The following RHBDL2 variants were observed in gnomAD, a reference collection of about 807,000 sequenced individuals.
RHBDL2 encodes rhomboid-related protein 2.
RHBDL2 carries 26 observed loss-of-function variants against 31.7 expected under a neutral mutation model. The ratio of observed to expected loss-of-function variants is 0.82; its 90% CI spans 0.60 to 1.14. The LOEUF (loss-of-function observed/expected upper bound fraction) is 1.14, where lower values mean the gene tolerates loss of function less well. Ranked by LOEUF, RHBDL2 falls within the 50% of genes most tolerant of loss-of-function variation. The pLI, the probability that RHBDL2 is intolerant of heterozygous loss-of-function variation, is 0.00. For synonymous variants in RHBDL2, 123 were observed against 127.2 expected (o/e 0.97, Z 0.22); for missense variants, 336 against 364.4 (o/e 0.92, Z 0.63).
intron 4 of RHBDL2, among the ~76,000 whole-genome samples, chr1:38,907,160 T>A (rs1174994250): frequency 6.6e-6 from 1 of 152,110 alleles, no homozygotes; most frequent in Non-Finnish European, 1.5e-5. Flanking sequence ...GGAGGAAAAA[T>A]TCCTTTCAAC....
rs532705295 is a variant in RHBDL2, at chr1:38,933,138, A to G, written c.-126+8544T>C. The stretch of plus-strand genomic sequence containing the variant: ...AGCTCCTACCTTCTTTGTGGAATTC[A>G]CTTTCTACTACTTTCTCCCAACGAC... On this transcript the variant is annotated intron_variant, in intron 1 of 7. Transcript: ENST00000372990. Among the ~76,000 whole-genome samples, 86 of 152,186 alleles carry G rather than the reference A, an allele frequency of 5.7e-4. No homozygotes were observed. The Middle Eastern group carries it at 0.01, about 18-fold the overall frequency.
chr1:38,930,578 A>G (rs894320910), intron 1 of RHBDL2, among the ~76,000 whole-genome samples: 1 of 152,190 alleles, frequency 6.6e-6, no homozygotes, highest in Non-Finnish European at 1.5e-5. Context: ...ATCTTTGTTG[A>G]TGGTGATTGG....
At chr1:38,934,711 A>G (rs1643474305) in intron 1 of RHBDL2, among the ~76,000 whole-genome samples, 1 of 150,118 alleles carries the variant, frequency 6.7e-6, no homozygotes, top group South Asian at 2.1e-4. Flanking sequence ...TAATCCCAGC[A>G]TTTTGGGGGG....
chr1:38,928,888 C>T (rs1643409468), intron 1 of RHBDL2, among the ~76,000 whole-genome samples: 1 of 152,048 alleles, frequency 6.6e-6, no homozygotes, highest in Admixed American at 6.6e-5. Context: ...CAGCGAAAGC[C>T]TTTCTCTACA....
intron 1 of RHBDL2, among the ~76,000 whole-genome samples, chr1:38,919,712 A>C (rs984484219): frequency 1.3e-5 from 2 of 151,504 alleles, no homozygotes; most frequent in African/African-American, 2.4e-5. Flanking sequence ...GGGTTCAAGC[A>C]ATTCTTCTGC....
In RHBDL2 at chr1:38,886,270, T is replaced by C. The variant is rs186154456; in HGVS notation, c.*234A>G. On this transcript the variant is annotated 3_prime_UTR_variant, in exon 8 of 8. Coordinates refer to ENST00000372990, the MANE Select transcript of RHBDL2 (RefSeq NM_017821.5). ...GCGCCTGGCCCCAATCTCTAGTTTT[T>C]ACTACCCTTCTTTTCTCTCTTCTTC... 297 of 290,234 alleles carry C rather than the reference T, an allele frequency of 1.0e-3. No individual in the cohort carries two copies. The highest frequency in any genetic ancestry group is 1.4e-3 in the Non-Finnish European group (223 of 157,618). The allele number at this position is 290,234 out of a possible 1,614,324, so 18.0% of individuals were successfully genotyped here.
intron 4 of RHBDL2, among the ~76,000 whole-genome samples, chr1:38,902,201 C>CTTTTTTTTTTTTTTTTTTTT (rs770169792): frequency 4.5e-4 from 42 of 92,822 alleles, no homozygotes; most frequent in Non-Finnish European, 6.5e-4. Flanking sequence ...TTTTCTTTTT[C>CTTTTTTTTTTTTTTTTTTTT]TTTTTTTTTT....
chr1:38,904,008 C>A (rs1302033944), intron 4 of RHBDL2, among the ~76,000 whole-genome samples: 1 of 152,148 alleles, frequency 6.6e-6, no homozygotes, highest in Non-Finnish European at 1.5e-5. Flanking sequence ...GTCTTTTCAA[C>A]AAATGATGTT....
At chr1:38,895,677 A>G (rs1403887428) in intron 5 of RHBDL2, among the ~76,000 whole-genome samples, 1 of 152,002 alleles carries the variant, frequency 6.6e-6, no homozygotes, top group Non-Finnish European at 1.5e-5. Flanking sequence ...GGTGGCCCAC[A>G]CCTGTAGTCC....
chr1:38,911,394 A>G lies in RHBDL2; in HGVS notation c.436T>C (p.Leu146=). The change falls in exon 4 of 8, where the codon TTG becomes CTG. Residue 146 remains leucine (L), a synonymous_variant. Coordinates refer to ENST00000372990, the MANE Select transcript of RHBDL2 (RefSeq NM_017821.5). ...ILGNLCMQLV[L]GIPLEMVHKG... is the part of the protein sequence containing the mutation. ...TGGACCATTTCCAAGGGAATACCCA[A>G]AACAAGCTGCATACAAAGATTCCCC... The G allele has an allele frequency of 6.2e-7, 1 of 1,614,100 alleles. No individual in the cohort carries two copies. The highest frequency in any genetic ancestry group is 8.5e-7 in the Non-Finnish European group (1 of 1,180,016).
In RHBDL2 at chr1:38,886,353, T is replaced by C. The variant is rs1177835802; in HGVS notation, c.*151A>G. The C allele has an allele frequency of 4.4e-6, 2 of 454,082 alleles. No homozygotes were observed. The highest frequency in any genetic ancestry group is 7.4e-6 in the Non-Finnish European group (2 of 270,032). 28.1% of individuals were successfully genotyped at this position (454,082 alleles called of 1,614,324 possible). A position where few individuals can be genotyped will look rare whatever the true frequency, so the allele number is the denominator to read the frequency against. On this transcript the variant is annotated 3_prime_UTR_variant, in exon 8 of 8. Transcript: ENST00000372990. ...AATCCTAAGGTCCTTTTATAGGCAA[T>C]CTTTGCAACTGATGAGTTTAATGCT...
chr1:38,937,953 A>C (rs551988010), intron 1 of RHBDL2, among the ~76,000 whole-genome samples: 1 of 152,096 alleles, frequency 6.6e-6, no homozygotes, highest in East Asian at 1.9e-4. Flanking sequence ...TGGCGTCTTC[A>C]TATCCTAGGC....
chr1:38,930,001 C>T (rs1643423459), intron 1 of RHBDL2, among the ~76,000 whole-genome samples: 1 of 152,182 alleles, frequency 6.6e-6, no homozygotes, highest in South Asian at 2.1e-4. Context: ...CCCCCGTTTC[C>T]AAAAGCTTTG....
intron 4 of RHBDL2, among the ~76,000 whole-genome samples, chr1:38,906,660 C>A: frequency 6.8e-6 from 1 of 148,140 alleles, no homozygotes; most frequent in Non-Finnish European, 1.5e-5. Context: ...GGCGACAGAG[C>A]GACACTCCAT....
intron 1 of RHBDL2, 117 bp from the exon 2 acceptor site, chr1:38,919,454 A>G: frequency 1.1e-6 from 1 of 940,950 alleles, no homozygotes; most frequent in Non-Finnish European, 1.5e-6. Context: ...TGAGATTAAA[A>G]TGCAGCTCTA....
chr1:38,929,415 C>G (rs775457851), intron 1 of RHBDL2: 3 of 1,289,326 alleles, frequency 2.3e-6, no homozygotes, highest in Middle Eastern at 4.2e-4. Flanking sequence ...TCGCCTCACC[C>G]AGGAAGGCCC....
At chr1:38,904,198 C>G (rs1643030919) in intron 4 of RHBDL2, among the ~76,000 whole-genome samples, 1 of 152,268 alleles carries the variant, frequency 6.6e-6, no homozygotes, top group African/African-American at 2.4e-5. Context: ...AGGCTGGGCG[C>G]AGTGGCTCAC....
chr1:38,898,087 C>T (rs1227893136), intron 4 of RHBDL2, among the ~76,000 whole-genome samples: 16 of 151,942 alleles, frequency 1.1e-4, no homozygotes, highest in African/African-American at 2.9e-4. Context: ...GCTGAGATGG[C>T]GCCACTGCAC....
chr1:38,887,527 C>T (rs549637012), intron 7 of RHBDL2, among the ~76,000 whole-genome samples: 8 of 152,266 alleles, frequency 5.3e-5, no homozygotes, highest in South Asian at 2.1e-4. Flanking sequence ...CAGATTCAAG[C>T]GATTCTCCTG....
Sources: gnomAD v4.1 joint callset for allele counts (sites outside exome capture counted in the v4.1 genomes callset) on GRCh38, gnomAD v4.1.1 for gene constraint, MANE v1.5 for transcripts, NCBI Gene and HGNC (gene_info 2026-07-23, HGNC 2026-07-21) for gene names.